Variants in CSNK2A1 observed in about 807,000 individuals in gnomAD.
The protein encoded by CSNK2A1 is casein kinase 2 alpha 1.
In CSNK2A1, 10 loss-of-function variants were observed where a neutral mutation model predicts 62.9. The ratio of observed to expected loss-of-function variants is 0.16; its 90% CI spans 0.10 to 0.27. The LOEUF (loss-of-function observed/expected upper bound fraction) is 0.27, where lower values mean the gene tolerates loss of function less well. CSNK2A1 is among the 10% of genes least tolerant of loss of function. The pLI is 1.00. For synonymous variants in CSNK2A1, 124 were observed against 167.8 expected, an observed-to-expected ratio of 0.74 and a Z score of 2.02; for missense variants, 160 against 492.0, an observed-to-expected ratio of 0.33 and a Z score of 6.38.
At chr20:519,516 C>T (rs536619946) in intron 2 of CSNK2A1, among the ~76,000 whole-genome samples, 1 of 152,206 alleles carries the variant, frequency 6.6e-6, no homozygotes, top group Non-Finnish European at 1.5e-5. Flanking sequence ...GAGTTGGAGG[C>T]CAGCCTGGGC....
intron 9 of CSNK2A1, among the ~76,000 whole-genome samples, chr20:490,335 C>CTTTTTTTTTTTTTTTTATTTTTTTT (rs2018194957): frequency 1.2e-5 from 1 of 84,804 alleles, no homozygotes; most frequent in African/African-American, 5.5e-5. Flanking sequence ...CTAGTTTTTT[C>CTTTTTTTTTTTTTTTTATTTTTTTT]TTTTTTTTTT....
chr20:513,967 C>A (rs544112684), intron 2 of CSNK2A1, among the ~76,000 whole-genome samples: 1 of 152,010 alleles, frequency 6.6e-6, no homozygotes, highest in Non-Finnish European at 1.5e-5. Flanking sequence ...ATTAATTATA[C>A]GGGAAAATAA....
At chr20:495,846 G>A (rs376458228) in intron 7 of CSNK2A1, 44 bp from the exon 8 acceptor site, 40 of 1,523,298 alleles carry the variant, frequency 2.6e-5, no homozygotes, top group Admixed American at 1.3e-4. Flanking sequence ...TGAATAATAC[G>A]TAAGAGTCCT....
intron 9 of CSNK2A1, among the ~76,000 whole-genome samples, chr20:490,499 G>A (rs890103253): frequency 2.0e-5 from 3 of 146,814 alleles, no homozygotes; most frequent in Admixed American, 6.8e-5. Context: ...CAGCTTCCCA[G>A]GTTCAAGCAA....
chr20:505,080 A>G (rs754741164), intron 4 of CSNK2A1, 38 bp downstream of exon 4: 7 of 1,523,520 alleles, frequency 4.6e-6, no homozygotes, highest in Non-Finnish European at 6.2e-6. Context: ...TTAAAAATCT[A>G]TATTCCAAAT....
At chr20:534,627 T>C (rs1466211579) in intron 1 of CSNK2A1, among the ~76,000 whole-genome samples, 1 of 152,140 alleles carries the variant, frequency 6.6e-6, no homozygotes, top group African/African-American at 2.4e-5. Context: ...CCAAAAACAG[T>C]CATAAAAGAT....
rs746015872 is a variant in CSNK2A1 at position 489,892 on chromosome 20, G to A, written c.622-11C>T. 11 of 1,596,876 alleles carry A rather than the reference G, an allele frequency of 6.9e-6. No individual in the cohort carries two copies. The East Asian group carries it at 1.1e-4, about 16-fold the overall frequency. On this transcript the variant is annotated splice_polypyrimidine_tract_variant and intron_variant, in intron 9 of 13. Transcript: ENST00000217244. Reference sequence around the variant, plus strand: ...ACTATAATCGTACATCTGCATAAAAGTAAACTCACTGTTATTATCTGTGAA... The same window carrying A: ...ACTATAATCGTACATCTGCATAAAAATAAACTCACTGTTATTATCTGTGAA...
At chr20:506,807 A>G (rs571302324) in intron 3 of CSNK2A1, 2 of 152,308 alleles carry the variant, frequency 1.3e-5, no homozygotes, top group East Asian at 3.9e-4. Flanking sequence ...ATGGGAGGGC[A>G]TACAAAACAA....
chr20:509,031 A>T lies in CSNK2A1; in HGVS notation c.-109-371T>A, dbSNP rs573833930. Among the ~76,000 whole-genome samples, 15 of 152,358 alleles carry T rather than the reference A, an allele frequency of 9.8e-5. No homozygotes were observed. In the South Asian group the frequency reaches 3.1e-3, roughly 32 times the overall value. ...GCAAGAAAAATACTTTCTTTTCAGC[A>T]GCTTTCTGTAACTTAAGTAGGGGTG... On this transcript the variant is annotated intron_variant, in intron 2 of 13. Transcript: ENST00000217244.
At chr20:506,639 A>G (rs1371924456) in intron 3 of CSNK2A1, 5 of 152,228 alleles carry the variant, frequency 3.3e-5, no homozygotes, top group African/African-American at 1.2e-4. Flanking sequence ...CTAAGTATCC[A>G]ATATGAACCA....
intron 4 of CSNK2A1, chr20:500,853 GGT>G (rs2018452534): frequency 6.6e-6 from 1 of 151,436 alleles, no homozygotes; most frequent in African/African-American, 2.4e-5. Context: ...TAGCCAGGAT[GGT>G]CTCGATCTCC....
Position 481,311 on chromosome 20 carries a change from T to A in CSNK2A1, c.*2650A>T, listed in dbSNP as rs1164548035. 1.3e-5 allele frequency: 2 copies of A among 152,208 alleles called. No homozygotes were observed. The highest frequency in any genetic ancestry group is 2.4e-5 in the African/African-American group (1 of 41,532). 9.4% of individuals were successfully genotyped at this position (152,208 alleles called of 1,614,324 possible). ...CTTCAAACAAAGTTTAAAAATACTT[T>A]AAAAAATCTTTCAGAGTAATTGCCA... is the stretch of plus-strand genomic sequence containing the variant. On this transcript the variant is annotated 3_prime_UTR_variant, in exon 14 of 14. Transcript: ENST00000217244.
At chr20:493,024 GTAGGCCC>G (rs2018266752) in intron 8 of CSNK2A1, among the ~76,000 whole-genome samples, 1 of 152,188 alleles carries the variant, frequency 6.6e-6, no homozygotes, top group African/African-American at 2.4e-5. Flanking sequence ...AGTGCCAGCA[GTAGGCCC>G]TGAGGAAAAA....
chr20:497,880 G>A (rs142924304), intron 6 of CSNK2A1, 100 bp from the exon 7 acceptor site: 33 of 1,040,844 alleles, frequency 3.2e-5, no homozygotes, highest in Middle Eastern at 4.5e-4. Context: ...CTCATTTACC[G>A]TTGTTCCAAG....
At chr20:490,335 C>CTTTTCTTTTTTTTTTTTTTTTT (rs1430310808) in intron 9 of CSNK2A1, among the ~76,000 whole-genome samples, 8 of 84,800 alleles carry the variant, frequency 9.4e-5, no homozygotes, top group African/African-American at 3.8e-4. Context: ...CTAGTTTTTT[C>CTTTTCTTTTTTTTTTTTTTTTT]TTTTTTTTTT....
At chr20:484,965 G>A (rs901824047) in intron 13 of CSNK2A1, among the ~76,000 whole-genome samples, 101 of 147,616 alleles carry the variant, frequency 6.8e-4, no homozygotes, top group Non-Finnish European at 6.4e-4. Context: ...TACCTGGGAG[G>A]TTGAGGTGGG....
At chr20:526,508 G>C (rs1286657575) in intron 2 of CSNK2A1, among the ~76,000 whole-genome samples, 1 of 151,932 alleles carries the variant, frequency 6.6e-6, no homozygotes, top group African/African-American at 2.4e-5. Flanking sequence ...CTACTCAGGA[G>C]GCTAAGGCAG....
intron 2 of CSNK2A1, among the ~76,000 whole-genome samples, chr20:518,234 G>C (rs978600140): frequency 2.0e-5 from 3 of 152,188 alleles, no homozygotes; most frequent in African/African-American, 7.2e-5. Flanking sequence ...AGCCTTTGTT[G>C]ATCCTGAAAA....
At chr20:485,761 C>G (rs961118418) in intron 13 of CSNK2A1, among the ~76,000 whole-genome samples, 3 of 152,172 alleles carry the variant, frequency 2.0e-5, no homozygotes, top group Non-Finnish European at 2.9e-5. Context: ...AGGGCAACAG[C>G]AATTATTTGA....
Sources: gnomAD v4.1 joint callset for allele counts (sites outside exome capture counted in the v4.1 genomes callset) on GRCh38, gnomAD v4.1.1 for gene constraint, MANE v1.5 for transcripts, NCBI Gene and HGNC (gene_info 2026-07-23, HGNC 2026-07-21) for gene names.